GRID1: variants seen among roughly 807,000 people sequenced by gnomAD.
The protein encoded by GRID1 is glutamate ionotropic receptor delta type subunit 1, also known as glutamate receptor ionotropic, delta-1.
In GRID1, 28 loss-of-function variants were observed where a neutral mutation model predicts 98.0. The ratio of observed to expected loss-of-function variants is 0.29; its 90% CI spans 0.21 to 0.39. The LOEUF is 0.39. Among genes scored for constraint, GRID1 ranks in the 10% least tolerant of loss-of-function variants. The pLI, the probability that GRID1 is intolerant of heterozygous loss-of-function variation, is 1.00. For synonymous variants in GRID1, 553 were observed against 538.5 expected (o/e 1.03, Z -0.37); for missense variants, 1,111 against 1,340.5 (o/e 0.83, Z 2.67).
intron 4 of GRID1, among the ~76,000 whole-genome samples, chr10:86,001,946 T>G (rs1431769164): frequency 6.6e-6 from 1 of 152,194 alleles, no homozygotes; most frequent in African/African-American, 2.4e-5. Flanking sequence ...GCCCCAGGCA[T>G]TCCTTGTCCT....
At chr10:85,973,279 A>T (rs1842430679) in intron 4 of GRID1, among the ~76,000 whole-genome samples, 1 of 151,794 alleles carries the variant, frequency 6.6e-6, no homozygotes, top group South Asian at 2.1e-4. Flanking sequence ...CTTTTTGTAC[A>T]TTGGATCTAT....
intron 8 of GRID1, among the ~76,000 whole-genome samples, chr10:85,791,978 G>C (rs967219060): frequency 1.3e-5 from 2 of 151,988 alleles, no homozygotes; most frequent in Non-Finnish European, 2.9e-5. Context: ...TGAGTCCCTG[G>C]GGCCCCCAGG....
rs116432966 is a variant in GRID1 at position 86,190,267 on chromosome 10, C to T, written c.520+16097G>A. Among the ~76,000 whole-genome samples the T allele has an allele frequency of 2.5e-3, 385 of 152,322 alleles. 2 individuals carry two copies. Among genetic ancestry groups the T allele is most frequent in the African/African-American group, 8.5e-3 (355 of 41,578 alleles). On this transcript the variant is annotated intron_variant, in intron 3 of 15. Coordinates refer to ENST00000327946, the MANE Select transcript of GRID1 (RefSeq NM_017551.3). ...CTGGCCTCCATGAAGTAAATATTCC[C>T]ACCGGGACTGATTTCTAGTCACTGA...
chr10:86,265,779 C>T (rs12098254), intron 2 of GRID1, among the ~76,000 whole-genome samples: 11,261 of 152,226 alleles, frequency 0.074, 1,170 homozygotes, highest in African/African-American at 0.24. Flanking sequence ...TAAAAGGCTG[C>T]TCCTGGTTAG....
intron 3 of GRID1, among the ~76,000 whole-genome samples, chr10:86,140,071 T>G (rs929306110): frequency 7.9e-5 from 12 of 152,228 alleles, no homozygotes; most frequent in Non-Finnish European, 1.3e-4. Context: ...CTCCCGAACT[T>G]TCCAGTTCCA....
intron 8 of GRID1, among the ~76,000 whole-genome samples, chr10:85,792,595 T>G (rs1842490463): frequency 6.6e-6 from 1 of 152,124 alleles, no homozygotes; most frequent in South Asian, 2.1e-4. Context: ...TCCTGGTCTC[T>G]CTCTTTCCAC....
At chr10:85,617,047 G>C (rs1040053450) in intron 14 of GRID1, among the ~76,000 whole-genome samples, 11 of 152,150 alleles carry the variant, frequency 7.2e-5, no homozygotes, top group Admixed American at 6.5e-5. Context: ...GAAGGAAATA[G>C]TTTAGTTCCC....
intron 2 of GRID1, among the ~76,000 whole-genome samples, chr10:86,362,340 G>A (rs1848610631): frequency 6.6e-6 from 1 of 152,128 alleles, no homozygotes; most frequent in African/African-American, 2.4e-5. Flanking sequence ...CTGTGATAAG[G>A]GCACACTGAA....
intron 12 of GRID1, among the ~76,000 whole-genome samples, chr10:85,715,348 C>A (rs1194861735): frequency 6.6e-6 from 1 of 152,102 alleles, no homozygotes; most frequent in African/African-American, 2.4e-5. Context: ...CCCAAAAGCA[C>A]AGGCAACAAA....
At chr10:85,863,644 TGAGCTCCTCAGGA>T (rs1843187116) in intron 6 of GRID1, among the ~76,000 whole-genome samples, 1 of 151,988 alleles carries the variant, frequency 6.6e-6, no homozygotes, top group African/African-American at 2.4e-5. Context: ...TGAAGTGTGT[TGAGCTCCTCAGGA>T]GTGCTGCAGG....
chr10:85,908,095 T>C (rs1836278852), intron 5 of GRID1, among the ~76,000 whole-genome samples: 1 of 152,176 alleles, frequency 6.6e-6, no homozygotes, highest in Non-Finnish European at 1.5e-5. Flanking sequence ...AAAAACTGTG[T>C]GTGTTCCCTC....
intron 4 of GRID1, among the ~76,000 whole-genome samples, chr10:86,053,174 CTT>C (rs1843524683): frequency 6.6e-6 from 1 of 152,102 alleles, no homozygotes; most frequent in South Asian, 2.1e-4. Context: ...TAATGGATGA[CTT>C]TTATTCTTTT....
intron 8 of GRID1, among the ~76,000 whole-genome samples, chr10:85,813,478 C>G (rs913152074): frequency 3.4e-5 from 5 of 145,612 alleles, no homozygotes. Context: ...AAAAAAAGAA[C>G]TGTCAAACCA....
chr10:85,995,828 G>A (rs554372665), intron 4 of GRID1, among the ~76,000 whole-genome samples: 1 of 152,348 alleles, frequency 6.6e-6, no homozygotes, highest in East Asian at 1.9e-4. Flanking sequence ...ATGTCACAGA[G>A]AAGGAAAATC....
intron 8 of GRID1, among the ~76,000 whole-genome samples, chr10:85,794,974 TC>T (rs1842513343): frequency 6.6e-6 from 1 of 151,840 alleles, no homozygotes; most frequent in Non-Finnish European, 1.5e-5. Context: ...TGACACATTC[TC>T]CCCCAACTTC....
intron 2 of GRID1, among the ~76,000 whole-genome samples, chr10:86,293,541 G>T (rs1351230569): frequency 6.6e-6 from 1 of 152,168 alleles, no homozygotes; most frequent in Non-Finnish European, 1.5e-5. Context: ...TTATTATTCT[G>T]CATATTACAT....
intron 8 of GRID1, among the ~76,000 whole-genome samples, chr10:85,824,534 AT>A: frequency 6.6e-6 from 1 of 151,982 alleles, no homozygotes; most frequent in South Asian, 2.1e-4. Context: ...TTTTTAATTC[AT>A]TTTTTCACAT....
chr10:85,928,730 G>C (rs749746148), intron 4 of GRID1, among the ~76,000 whole-genome samples: 3 of 152,156 alleles, frequency 2.0e-5, no homozygotes, highest in Admixed American at 1.3e-4. Context: ...ACTGGTTCAG[G>C]GGGTTCCCAG....
In GRID1 at chr10:85,975,323, G is replaced by A. The variant is rs145323443; in HGVS notation, c.727-59084C>T. 5.0e-3 allele frequency among the ~76,000 whole-genome samples: 757 copies of A among 152,302 alleles called. 7 individuals are homozygous for A. The highest frequency in any genetic ancestry group is 0.017 in the African/African-American group (706 of 41,564). ...CTTGCTGAGGTGCAGGGTGGACAGG[G>A]CTTGCGCAGCCTTTCCTGGCTGACT... On this transcript the variant is annotated intron_variant, in intron 4 of 15. Transcript: ENST00000327946.
Sources: gnomAD v4.1 joint callset for allele counts (sites outside exome capture counted in the v4.1 genomes callset) on GRCh38, gnomAD v4.1.1 for gene constraint, MANE v1.5 for transcripts, NCBI Gene and HGNC (gene_info 2026-07-23, HGNC 2026-07-21) for gene names.